Variants in IFT81 observed in about 807,000 individuals in gnomAD.
IFT81 encodes intraflagellar transport protein 81 homolog.
In IFT81, 72 loss-of-function variants were observed where a neutral mutation model predicts 102.6. The observed-to-expected ratio is 0.70, with a 90% CI of 0.58 to 0.85. The LOEUF (loss-of-function observed/expected upper bound fraction) is 0.85, where lower values mean the gene tolerates loss of function less well. Among genes scored for constraint, IFT81 ranks in the 40% least tolerant of loss-of-function variants. The pLI, the probability that IFT81 is intolerant of heterozygous loss-of-function variation, is 0.00. For missense variants in IFT81, 723 were observed against 787.3 expected, an observed-to-expected ratio of 0.92 and a Z score of 0.98; for synonymous variants, 237 against 242.7, an observed-to-expected ratio of 0.98 and a Z score of 0.22.
chr12:110,175,001 T>G (rs1386666463), intron 11 of IFT81, among the ~76,000 whole-genome samples: 1 of 152,224 alleles, frequency 6.6e-6, no homozygotes, highest in East Asian at 1.9e-4. Context: ...TTATTTGATC[T>G]CAGCATCTAA....
chr12:110,136,112 A>G (rs1017471005), intron 7 of IFT81, among the ~76,000 whole-genome samples: 3 of 152,238 alleles, frequency 2.0e-5, no homozygotes, highest in African/African-American at 7.2e-5. Context: ...CAGTGATCAC[A>G]GTACCCTCTG....
At chr12:110,126,717 G>A (rs1440196553) in intron 1 of IFT81, among the ~76,000 whole-genome samples, 1 of 152,310 alleles carries the variant, frequency 6.6e-6, no homozygotes, top group Middle Eastern at 3.4e-3. Context: ...TTTGGAATGG[G>A]GAGAGGTGGA....
chr12:110,140,567 A>C (rs1177592973), intron 8 of IFT81, among the ~76,000 whole-genome samples: 1 of 152,154 alleles, frequency 6.6e-6, no homozygotes, highest in African/African-American at 2.4e-5. Flanking sequence ...CTTTGATTCC[A>C]TGCATCTCTA....
chr12:110,183,163 G>A (rs1444868920), intron 12 of IFT81, among the ~76,000 whole-genome samples: 1 of 152,120 alleles, frequency 6.6e-6, no homozygotes, highest in Non-Finnish European at 1.5e-5. Flanking sequence ...TTGGTTTGAG[G>A]TGATATTATG....
Position 110,163,065 on chromosome 12 carries a change from G to C in IFT81, c.1188G>C (p.Glu396Asp). Residue 396 changes from glutamate to aspartate, a missense_variant and splice_region_variant, in exon 11 of 19, where the codon GAG becomes GAC. Physicochemically the swap from Glu to Asp is conservative, Grantham distance 45. Transcript: ENST00000242591. Reference sequence around the variant, plus strand: ...GTACTGAAGTTTTAAAGGGAGATGAGGTAAGCTGAGCCATCTCATGGGACA... The same window carrying C: ...GTACTGAAGTTTTAAAGGGAGATGACGTAAGCTGAGCCATCTCATGGGACA... ...FDGTEVLKGD[E>D]FKRYVNKLRS... is the part of the protein sequence containing the mutation. The C allele has an allele frequency of 6.2e-7, 1 of 1,612,760 alleles. No homozygotes were observed. Among genetic ancestry groups the C allele is most frequent in the Non-Finnish European group, 8.5e-7 (1 of 1,179,272 alleles).
chr12:110,210,669 G>A (rs1869283187), intron 18 of IFT81, among the ~76,000 whole-genome samples: 1 of 151,362 alleles, frequency 6.6e-6, no homozygotes, highest in African/African-American at 2.4e-5. Flanking sequence ...AGCCTGGGGA[G>A]GCAATGCTGC....
chr12:110,172,456 G>A (rs1896786250), intron 11 of IFT81, among the ~76,000 whole-genome samples: 1 of 152,100 alleles, frequency 6.6e-6, no homozygotes. Context: ...GGACTGTACT[G>A]CTGCCATCTC....
chr12:110,131,291 CA>C (rs1273921716), intron 4 of IFT81, among the ~76,000 whole-genome samples: 2 of 149,936 alleles, frequency 1.3e-5, no homozygotes, highest in Non-Finnish European at 3.0e-5. Context: ...TCAAAAACAA[CA>C]AAAAAAAACT....
At chr12:110,125,777 C>A (rs1354393219) in intron 1 of IFT81, among the ~76,000 whole-genome samples, 2 of 152,204 alleles carry the variant, frequency 1.3e-5, no homozygotes, top group Non-Finnish European at 2.9e-5. Flanking sequence ...ATCAGATATT[C>A]AGTTTTTTAA....
intron 14 of IFT81, among the ~76,000 whole-genome samples, chr12:110,201,475 A>G (rs1316418453): frequency 1.3e-5 from 2 of 151,270 alleles, no homozygotes; most frequent in Non-Finnish European, 2.9e-5. Flanking sequence ...CTTGTCGCCC[A>G]GGCTGAGTGC....
chr12:110,138,831 G>A (rs1447806933), intron 8 of IFT81, among the ~76,000 whole-genome samples: 1 of 152,014 alleles, frequency 6.6e-6, no homozygotes, highest in African/African-American at 2.4e-5. Context: ...GTTTTCAAAG[G>A]GTTTTTAATA....
chr12:110,190,826 T>A (rs1566157720), intron 12 of IFT81, 94 bp from the exon 13 acceptor site: 1 of 1,138,482 alleles, frequency 8.8e-7, no homozygotes, highest in Non-Finnish European at 1.2e-6. Flanking sequence ...TAATTCTATT[T>A]ACAATTTTTT....
intron 3 of IFT81, among the ~76,000 whole-genome samples, chr12:110,128,396 C>G (rs1893967973): frequency 6.7e-6 from 1 of 148,916 alleles, no homozygotes; most frequent in South Asian, 2.2e-4. Flanking sequence ...ATCTGCCATC[C>G]TAGATAAAAA....
At chr12:110,200,283 A>T (rs1898201281) in intron 14 of IFT81, among the ~76,000 whole-genome samples, 1 of 152,214 alleles carries the variant, frequency 6.6e-6, no homozygotes, top group Non-Finnish European at 1.5e-5. Context: ...TAGCCTATTC[A>T]TATCTAGGCT....
At position 110,180,507 on chromosome 12, in the gene IFT81, T is replaced by G. The variant is rs1055930427; in HGVS notation, c.1274T>G (p.Phe425Cys). The change falls in exon 12 of 19, where the codon TTC (phenylalanine) becomes TGC (cysteine). Residue 425 changes from phenylalanine to cysteine, a missense_variant. Phe to Cys is a radical substitution (Grantham distance 205). Coordinates refer to ENST00000242591, the MANE Select transcript of IFT81 (RefSeq NM_014055.4). ...ATAATAGCTGAACTTAAAGCTGAAT[T>G]CGGTCTTTTGCAGAGGACTGAAGAA... Reference protein sequence around the residue: ...HQIIAELKAEFGLLQRTEELL... With the variant: ...HQIIAELKAECGLLQRTEELL... The G allele has an allele frequency of 1.2e-6, 2 of 1,611,284 alleles. No homozygotes were observed. The highest frequency in any genetic ancestry group is 1.7e-6 in the Non-Finnish European group (2 of 1,177,928).
intron 11 of IFT81, among the ~76,000 whole-genome samples, chr12:110,163,366 A>G (rs1181571825): frequency 1.3e-5 from 2 of 151,450 alleles, no homozygotes; most frequent in East Asian, 3.9e-4. Flanking sequence ...TCAGCCTCCC[A>G]CATAGCTGGG....
intron 14 of IFT81, chr12:110,203,438 G>C (rs1207915390): frequency 3.6e-5 from 6 of 168,690 alleles, no homozygotes; most frequent in Non-Finnish European, 6.4e-5. Flanking sequence ...CTAATCCTTC[G>C]TGATTAGCTT....
chr12:110,166,888 A>G (rs1896462931), intron 11 of IFT81, among the ~76,000 whole-genome samples: 2 of 151,910 alleles, frequency 1.3e-5, no homozygotes, highest in South Asian at 4.2e-4. Context: ...TTATTCCTTG[A>G]TTGTCGATAT....
chr12:110,193,428 T>C (rs1387270617), intron 14 of IFT81, among the ~76,000 whole-genome samples: 1 of 152,170 alleles, frequency 6.6e-6, no homozygotes, highest in East Asian at 1.9e-4. Flanking sequence ...CTTGCACTGC[T>C]AGGAGGCACG....
Sources: gnomAD v4.1 joint callset for allele counts (sites outside exome capture counted in the v4.1 genomes callset) on GRCh38, gnomAD v4.1.1 for gene constraint, MANE v1.5 for transcripts, NCBI Gene and HGNC (gene_info 2026-07-23, HGNC 2026-07-21) for gene names.